Variants in LRP1B observed in about 807,000 individuals in gnomAD.
LRP1B encodes LDL receptor related protein 1B.
In LRP1B, 217 loss-of-function variants were observed where a neutral mutation model predicts 556.6. The observed-to-expected ratio is 0.39, with a 90% CI of 0.35 to 0.44. LRP1B has a LOEUF of 0.44. Ranked by LOEUF, LRP1B falls within the 20% of genes least tolerant of loss-of-function variation. The probability of loss-of-function intolerance (pLI) is 1.00; values close to 1 mark genes in which losing one functional copy is unlikely to be tolerated. For missense variants in LRP1B, 5,053 were observed against 5,620.8 expected (o/e 0.90, Z 3.23); for synonymous variants, 2,047 against 1,865.8 (o/e 1.10, Z -2.50).
chr2:141,988,203 T>C (rs1255362374), intron 1 of LRP1B, among the ~76,000 whole-genome samples: 1 of 151,846 alleles, frequency 6.6e-6, no homozygotes, highest in Admixed American at 6.6e-5. Context: ...TGAAGGACAA[T>C]GAAGTCTTAA....
In LRP1B at chr2:140,323,866, G is replaced by C. The variant is rs755748439; in HGVS notation, c.12514+27C>G. ...TACAAGAAAATAATTTACCAATATA[G>C]ACAACTTCATAATATATTATACTTA... On this transcript the variant is annotated intron_variant, in intron 81 of 90. Transcript: ENST00000389484. 1.1e-5 allele frequency: 13 copies of C among 1,151,020 alleles called. No homozygotes were observed. The East Asian group carries it at 3.1e-4, about 28-fold the overall frequency. The allele number at this position is 1,151,020 out of a possible 1,614,324, so 71.3% of individuals were successfully genotyped here.
rs145815270 is a variant in LRP1B at position 141,079,828 on chromosome 2, G to T, written c.1014-17555C>A. 1.2e-3 allele frequency among the ~76,000 whole-genome samples: 186 copies of T among 152,242 alleles called. 1 individual carries two copies. The highest frequency in any genetic ancestry group is 3.8e-3 in the African/African-American group (156 of 41,560). On this transcript the variant is annotated intron_variant, in intron 7 of 90. Transcript: ENST00000389484. Reference sequence around the variant, plus strand: ...TTAGGTTGGTGCAAAAGTAATTGTGGTTTTGCCATTGAAAGTAAATCGTTT... The same window carrying T: ...TTAGGTTGGTGCAAAAGTAATTGTGTTTTTGCCATTGAAAGTAAATCGTTT...
intron 2 of LRP1B, among the ~76,000 whole-genome samples, chr2:141,562,539 A>C (rs747906057): frequency 5.3e-5 from 8 of 151,952 alleles, no homozygotes; most frequent in Non-Finnish European, 2.9e-5. Flanking sequence ...TATCTCTGGC[A>C]ATCTCTACAT....
chr2:141,497,478 A>T (rs17615422), intron 2 of LRP1B, among the ~76,000 whole-genome samples: 4,160 of 152,182 alleles, frequency 0.027, 94 homozygotes, highest in Non-Finnish European at 0.037. Flanking sequence ...CAGCTATAAA[A>T]TAACCTAGAA....
rs2104952498 is a variant in LRP1B, at chr2:140,274,553, C to T, written c.13013G>A (p.Gly4338Glu). 1.2e-6 allele frequency: 2 copies of T among 1,612,466 alleles called. No individual in the cohort carries two copies. The highest frequency in any genetic ancestry group is 1.3e-5 in the African/African-American group (1 of 74,894). ...YCVNSESCTI[G>E]DDGSVECVCP... ...GACACATTCAACACTTCCATCATCC[C>T]CAATGGTACATGATTCAGAATTCAC... Residue 4338 changes from glycine to glutamate, a missense_variant, in exon 85 of 91, where the codon GGG (glycine) becomes GAG (glutamate). Transcript: ENST00000389484.
At chr2:141,844,020 T>C (rs1379442208) in intron 1 of LRP1B, among the ~76,000 whole-genome samples, 1 of 152,132 alleles carries the variant, frequency 6.6e-6, no homozygotes, top group African/African-American at 2.4e-5. Context: ...TTAGATCCTA[T>C]GTAATTGCAC....
intron 77 of LRP1B, among the ~76,000 whole-genome samples, chr2:140,338,108 T>C (rs1489686038): frequency 6.6e-6 from 1 of 151,788 alleles, no homozygotes; most frequent in African/African-American, 2.4e-5. Context: ...ACAAGTTATA[T>C]TGATGACTTG....
chr2:140,635,119 C>T (rs556737637), intron 41 of LRP1B, among the ~76,000 whole-genome samples: 14 of 152,072 alleles, frequency 9.2e-5, no homozygotes, highest in Admixed American at 5.9e-4. Flanking sequence ...AAGGCTTAAG[C>T]GTCTGTTTTG....
intron 25 of LRP1B, among the ~76,000 whole-genome samples, chr2:140,882,921 G>A (rs2105184768): frequency 6.6e-6 from 1 of 152,254 alleles, no homozygotes; most frequent in East Asian, 1.9e-4. Flanking sequence ...CTTTCTGCTA[G>A]CCTTTAGGCT....
chr2:141,051,342 G>C (rs773272601), intron 10 of LRP1B, among the ~76,000 whole-genome samples: 22 of 151,956 alleles, frequency 1.4e-4, no homozygotes, highest in Non-Finnish European at 2.9e-4. Flanking sequence ...GCTTACTGCA[G>C]CATTATTTAA....
chr2:140,541,599 C>G (rs1680134332), intron 44 of LRP1B, among the ~76,000 whole-genome samples, 180 bp downstream of exon 44: 1 of 151,870 alleles, frequency 6.6e-6, no homozygotes, highest in Admixed American at 6.6e-5. Context: ...TTTTGAACAG[C>G]CAAATCTTGA....
intron 3 of LRP1B, among the ~76,000 whole-genome samples, chr2:141,416,134 T>G (rs1691091713): frequency 6.6e-6 from 1 of 152,154 alleles, no homozygotes; most frequent in East Asian, 1.9e-4. Flanking sequence ...GATCAATATA[T>G]GCAGTGAAAA....
chr2:141,991,160 T>C (rs1218036129), intron 1 of LRP1B, among the ~76,000 whole-genome samples: 1 of 152,072 alleles, frequency 6.6e-6, no homozygotes, highest in Non-Finnish European at 1.5e-5. Flanking sequence ...TCTTTTACTG[T>C]GATATTATGT....
intron 32 of LRP1B, among the ~76,000 whole-genome samples, chr2:140,795,167 T>C (rs1420813006): frequency 6.6e-6 from 1 of 152,170 alleles, no homozygotes; most frequent in African/African-American, 2.4e-5. Flanking sequence ...AAAGGTTCTG[T>C]GTCACCTACC....
chr2:142,078,992 C>G (rs887587882), intron 1 of LRP1B, among the ~76,000 whole-genome samples: 2 of 152,074 alleles, frequency 1.3e-5, no homozygotes, highest in African/African-American at 4.8e-5. Flanking sequence ...TACCTTATAG[C>G]TACTGATTGA....
At chr2:140,714,954 C>T (rs1029626022) in intron 37 of LRP1B, among the ~76,000 whole-genome samples, 2 of 151,982 alleles carry the variant, frequency 1.3e-5, no homozygotes, top group East Asian at 3.9e-4. Flanking sequence ...ATACAACAAT[C>T]TAAACTATTT....
chr2:141,889,955 C>T lies in LRP1B; in HGVS notation c.83-79554G>A, dbSNP rs6725903. Among the ~76,000 whole-genome samples, 404 of 151,950 alleles carry T rather than the reference C, an allele frequency of 2.7e-3. 2 individuals carry two copies. The highest frequency in any genetic ancestry group is 9.5e-3 in the African/African-American group (392 of 41,426). On this transcript the variant is annotated intron_variant, in intron 1 of 90. Transcript: ENST00000389484. ...GACACTGTACCACACTGTGACAATGCCATTATCTTTCCTTCCCCCTCACCC... is the reference window on the plus strand; with the variant it reads ...GACACTGTACCACACTGTGACAATGTCATTATCTTTCCTTCCCCCTCACCC...
rs988287290 is a variant in LRP1B at position 140,710,840 on chromosome 2, G to A, written c.6023+5133C>T. Among the ~76,000 whole-genome samples, 11 of 152,184 alleles carry A rather than the reference G, an allele frequency of 7.2e-5. 1 individual carries two copies. Among genetic ancestry groups the A allele is most frequent in the Middle Eastern group, 3.4e-3 (1 of 294 alleles). ...ATTTAGAAACTCCTGTGTAACAACA[G>A]AAGCTGAAACCCATTTTAGGAGTTC... is the stretch of plus-strand genomic sequence containing the variant. On this transcript the variant is annotated intron_variant, in intron 37 of 90. Transcript: ENST00000389484.
chr2:141,502,161 T>G (rs1683739771), intron 2 of LRP1B, among the ~76,000 whole-genome samples: 1 of 152,240 alleles, frequency 6.6e-6, no homozygotes, highest in Non-Finnish European at 1.5e-5. Flanking sequence ...ATTAACTTTA[T>G]GAAATGAAAC....
Sources: gnomAD v4.1 joint callset for allele counts (sites outside exome capture counted in the v4.1 genomes callset) on GRCh38, gnomAD v4.1.1 for gene constraint, MANE v1.5 for transcripts, NCBI Gene and HGNC (gene_info 2026-07-23, HGNC 2026-07-21) for gene names.